Variants in AGBL1 observed in about 807,000 individuals in gnomAD.
AGBL1 encodes the protein cytosolic carboxypeptidase 4.
AGBL1 carries 130 observed loss-of-function variants against 118.9 expected under a neutral mutation model. The ratio of observed to expected loss-of-function variants is 1.09; its 90% CI spans 0.95 to 1.26. AGBL1 has a LOEUF of 1.26. Among genes scored for constraint, AGBL1 ranks in the 50% most tolerant of loss-of-function variants. The pLI is 0.00. For missense variants in AGBL1, 1,584 were observed against 1,298.1 expected (o/e 1.22, Z -3.38); for synonymous variants, 555 against 478.9 (o/e 1.16, Z -2.08).
intron 24 of AGBL1, among the ~76,000 whole-genome samples, chr15:87,009,819 G>GCATGGGGCC (rs2081540198): frequency 1.3e-5 from 2 of 152,208 alleles, no homozygotes. Flanking sequence ...TTTTGGACTT[G>GCATGGGGCC]CATGGGGCCT....
intron 17 of AGBL1, among the ~76,000 whole-genome samples, chr15:86,378,120 G>A (rs572773103): frequency 6.6e-6 from 1 of 152,276 alleles, no homozygotes; most frequent in Admixed American, 6.5e-5. Flanking sequence ...ACATATGTAT[G>A]TATAATGCAA....
At chr15:86,162,812 C>T (rs548064314) in intron 5 of AGBL1, among the ~76,000 whole-genome samples, 1 of 152,308 alleles carries the variant, frequency 6.6e-6, no homozygotes, top group Admixed American at 6.5e-5. Flanking sequence ...CTGAGTGTGG[C>T]ATTCCCTCTT....
intron 9 of AGBL1, among the ~76,000 whole-genome samples, chr15:86,258,713 A>T (rs941778287): frequency 2.0e-5 from 3 of 149,470 alleles, no homozygotes; most frequent in African/African-American, 7.3e-5. Context: ...GTTCCAAGAA[A>T]TTTTTTTTTT....
chr15:86,986,220 G>A (rs1046369025), intron 23 of AGBL1, among the ~76,000 whole-genome samples: 1 of 152,070 alleles, frequency 6.6e-6, no homozygotes, highest in African/African-American at 2.4e-5. Context: ...CACGGCGCCC[G>A]GCCAGGATAT....
intron 9 of AGBL1, among the ~76,000 whole-genome samples, chr15:86,259,930 T>G (rs1471029990): frequency 6.6e-6 from 1 of 152,216 alleles, no homozygotes; most frequent in Non-Finnish European, 1.5e-5. Flanking sequence ...GATAGTTCCC[T>G]TGGCCCACGC....
At chr15:86,921,596 C>T (rs1159359631) in intron 23 of AGBL1, among the ~76,000 whole-genome samples, 1 of 152,012 alleles carries the variant, frequency 6.6e-6, no homozygotes, top group African/African-American at 2.4e-5. Context: ...CTTTTATTTC[C>T]ATGCTTGGGG....
At chr15:86,981,323 A>G (rs138886757) in intron 23 of AGBL1, among the ~76,000 whole-genome samples, 2,207 of 152,304 alleles carry the variant, frequency 0.014, 60 homozygotes, top group African/African-American at 0.05. Context: ...TTTCATTCTC[A>G]TTAGTTGCAT....
chr15:86,528,167 G>T (rs988858269), intron 19 of AGBL1, among the ~76,000 whole-genome samples: 1 of 152,194 alleles, frequency 6.6e-6, no homozygotes, highest in Admixed American at 6.5e-5. Context: ...CGCAGAAGAC[G>T]GGTGATTTCT....
At chr15:86,659,923 G>A (rs1276390091) in intron 21 of AGBL1, among the ~76,000 whole-genome samples, 2 of 151,980 alleles carry the variant, frequency 1.3e-5, no homozygotes, top group Non-Finnish European at 2.9e-5. Flanking sequence ...CAGTGCTCAG[G>A]TCTGTTCCTG....
intron 5 of AGBL1, among the ~76,000 whole-genome samples, chr15:86,163,756 A>G (rs952901929): frequency 6.6e-6 from 1 of 152,186 alleles, no homozygotes; most frequent in Admixed American, 6.5e-5. Context: ...AAAATTAAAT[A>G]AATACATTGA....
intron 12 of AGBL1, among the ~76,000 whole-genome samples, 166 bp from the exon 13 acceptor site, chr15:86,266,824 C>A (rs995754878): frequency 2.0e-5 from 3 of 152,196 alleles, no homozygotes; most frequent in African/African-American, 7.2e-5. Flanking sequence ...GCGCTTGAAC[C>A]TGGGAGGCGG....
chr15:86,682,411 C>G (rs2085977062), intron 22 of AGBL1, among the ~76,000 whole-genome samples: 1 of 152,076 alleles, frequency 6.6e-6, no homozygotes, highest in South Asian at 2.1e-4. Context: ...GCTGATTCTT[C>G]TATAATAGAT....
At chr15:86,989,826 G>A (rs950996176) in intron 24 of AGBL1, among the ~76,000 whole-genome samples, 1 of 152,194 alleles carries the variant, frequency 6.6e-6, no homozygotes, top group African/African-American at 2.4e-5. Flanking sequence ...GAGAAAATGA[G>A]CTATATGGAC....
intron 7 of AGBL1, among the ~76,000 whole-genome samples, chr15:86,253,037 G>T (rs903136318): frequency 1.3e-5 from 2 of 152,102 alleles, no homozygotes; most frequent in Non-Finnish European, 2.9e-5. Flanking sequence ...GTCTGGAGAC[G>T]AGGGTTCCAG....
intron 5 of AGBL1, among the ~76,000 whole-genome samples, chr15:86,182,893 G>T (rs1407292193): frequency 1.3e-5 from 2 of 152,160 alleles, no homozygotes; most frequent in African/African-American, 4.8e-5. Context: ...GAGAAGTAGT[G>T]TAGTGGAACA....
intron 18 of AGBL1, among the ~76,000 whole-genome samples, chr15:86,430,731 C>T (rs918324675): frequency 3.3e-5 from 5 of 152,140 alleles, no homozygotes; most frequent in African/African-American, 1.2e-4. Context: ...GAACAGTCCA[C>T]AGGTGATAAT....
intron 23 of AGBL1, among the ~76,000 whole-genome samples, chr15:86,980,001 C>A (rs536594448): frequency 6.6e-6 from 1 of 152,152 alleles, no homozygotes; most frequent in African/African-American, 2.4e-5. Context: ...CTTCCTCTCC[C>A]CTAATGCCCT....
Position 86,201,750 on chromosome 15 carries a change from G to A in AGBL1, c.489-23164G>A, listed in dbSNP as rs572807840. Among the ~76,000 whole-genome samples, 3 of 152,258 alleles carry A rather than the reference G, an allele frequency of 2.0e-5. No homozygotes were observed. In the South Asian group the frequency reaches 6.2e-4, roughly 32 times the overall value. On this transcript the variant is annotated intron_variant, in intron 5 of 22. Coordinates refer to ENST00000614907, the MANE Select transcript of AGBL1 (RefSeq NM_001386094.1). ...TCTCAGGACCCCTTGGGAATCTAGGGCATCCTTTTCATTGACAAAAATCAT... is the reference window on the plus strand; with the variant it reads ...TCTCAGGACCCCTTGGGAATCTAGGACATCCTTTTCATTGACAAAAATCAT...
rs1322162892 is a variant in AGBL1, at chr15:86,307,823, T to G, written c.2374+12415T>G. On this transcript the variant is annotated intron_variant, in intron 17 of 22. Coordinates refer to ENST00000614907, the MANE Select transcript of AGBL1 (RefSeq NM_001386094.1). ...AATTTATATAACATATAGACCTAGA[T>G]TAAAGAACAATAATAAAATGGACAT... Among the ~76,000 whole-genome samples the G allele has an allele frequency of 2.0e-5, 3 of 152,246 alleles. No homozygotes were observed. The East Asian group carries it at 5.8e-4, about 29-fold the overall frequency.
Sources: gnomAD v4.1 joint callset for allele counts (sites outside exome capture counted in the v4.1 genomes callset) on GRCh38, gnomAD v4.1.1 for gene constraint, MANE v1.5 for transcripts, NCBI Gene and HGNC (gene_info 2026-07-23, HGNC 2026-07-21) for gene names.